The following BTN3A3 variants were observed in gnomAD, a reference collection of about 807,000 sequenced individuals.
The protein encoded by BTN3A3 is butyrophilin subfamily 3 member A3, also known as butyrophilin 3.
BTN3A3 carries 39 observed loss-of-function variants against 43.2 expected under a neutral mutation model. The observed-to-expected ratio is 0.90, with a 90% confidence interval of 0.70 to 1.18. BTN3A3 has a LOEUF of 1.18. Ranked by LOEUF, BTN3A3 falls within the 50% of genes most tolerant of loss-of-function variation. BTN3A3 has a pLI of 0.00. For missense variants in BTN3A3, 631 were observed against 722.8 expected (o/e 0.87, Z 1.46); for synonymous variants, 255 against 272.7 (o/e 0.93, Z 0.64).
intron 1 of BTN3A3, among the ~76,000 whole-genome samples, chr6:26,442,977 A>G (rs1205742867): frequency 6.6e-6 from 1 of 152,206 alleles, no homozygotes; most frequent in Non-Finnish European, 1.5e-5. Flanking sequence ...GAATGACTTT[A>G]TGAAGGGAAG....
At position 26,452,545 on chromosome 6, in the gene BTN3A3, G is replaced by A. The variant is rs1430033054; in HGVS notation, c.*134G>A. The stretch of plus-strand genomic sequence containing the variant: ...AAGTAGACATGACAAGTGAACAGCA[G>A]AGCTGGGATCTAAACAGCAATAACT... On this transcript the variant is annotated 3_prime_UTR_variant, in exon 11 of 11. Coordinates refer to ENST00000244519, the MANE Select transcript of BTN3A3 (RefSeq NM_006994.5). 1 of 752,666 alleles carries A rather than the reference G, an allele frequency of 1.3e-6. No individual in the cohort carries two copies. Among genetic ancestry groups the A allele is most frequent in the Non-Finnish European group, 2.1e-6 (1 of 477,446 alleles). The allele number at this position is 752,666 out of a possible 1,614,324, so 46.6% of individuals were successfully genotyped here.
At chr6:26,444,560 A>AAGGACCCTTCCTCT in intron 4 of BTN3A3, 1 of 621,268 alleles carries the variant, frequency 1.6e-6, no homozygotes. Flanking sequence ...ATGAAGGACG[A>AAGGACCCTTCCTCT]CGGATAGGAA....
chr6:26,445,508 A>C, intron 4 of BTN3A3, 196 bp from the exon 5 acceptor site: 1 of 648,390 alleles, frequency 1.5e-6, no homozygotes, highest in Admixed American at 3.0e-5. Flanking sequence ...GGTGGATGGG[A>C]ATAGCCCCAC....
rs753687612 is a variant in BTN3A3 at position 26,451,644 on chromosome 6, C to A, written c.1019-31C>A. 1.6e-5 allele frequency: 25 copies of A among 1,585,452 alleles called. 1 individual carries two copies. The highest frequency in any genetic ancestry group is 1.4e-4 in the South Asian group (12 of 85,540). On this transcript the variant is annotated intron_variant, in intron 10 of 10. Transcript: ENST00000244519. ...TCTGAAATCCAGGAAAAATGGCTGA[C>A]CCCATGGACACCTCCTCAAACTCTC...
rs748007508 is a variant in BTN3A3, at chr6:26,451,979, G to A, written c.1323G>A (p.Lys441=). The part of the protein sequence containing the change: ...YWTMGLTDGN[K]YRALTEPRTN... ...CTATGGGCCTGACTGATGGGAATAA[G>A]TATCGGGCTCTCACTGAGCCCAGAA... Residue 441 remains lysine, a synonymous_variant, in exon 11 of 11, where the codon AAG becomes AAA. Coordinates refer to ENST00000244519, the MANE Select transcript of BTN3A3 (RefSeq NM_006994.5). 1 of 1,614,170 alleles carries A rather than the reference G, an allele frequency of 6.2e-7. No individual in the cohort carries two copies. Among genetic ancestry groups the A allele is most frequent in the Non-Finnish European group, 8.5e-7 (1 of 1,180,014 alleles).
chr6:26,446,548 G>C (rs1334770757), intron 5 of BTN3A3, among the ~76,000 whole-genome samples: 3 of 152,210 alleles, frequency 2.0e-5, no homozygotes, highest in Non-Finnish European at 4.4e-5. Context: ...AGGAGTGTAG[G>C]AAGGCAGTGA....
chr6:26,441,054 A>C (rs1762617128), intron 1 of BTN3A3, among the ~76,000 whole-genome samples: 1 of 152,234 alleles, frequency 6.6e-6, no homozygotes, highest in African/African-American at 2.4e-5. Flanking sequence ...TTCTAGAAAG[A>C]GATGTGCCTT....
chr6:26,443,929 T>C (rs569286880), intron 3 of BTN3A3, 28 bp from the exon 4 acceptor site: 8 of 1,613,888 alleles, frequency 5.0e-6, no homozygotes, highest in Non-Finnish European at 6.8e-6. Context: ...CAAAACCCTC[T>C]GATGGAGCTT....
Position 26,449,447 on chromosome 6 carries a change from C to G in BTN3A3, c.965-215C>G, listed in dbSNP as rs182435357. ...AGCTGGACTCCACTGGGAAGGAACT[C>G]TCACAGTGACTGCCCTGCCACTAGC... On this transcript the variant is annotated intron_variant, in intron 8 of 10. Coordinates refer to ENST00000244519, the MANE Select transcript of BTN3A3 (RefSeq NM_006994.5). The G allele has an allele frequency of 6.5e-5, 39 of 601,104 alleles. No homozygotes were observed. The African/African-American group carries it at 6.7e-4, about 10-fold the overall frequency. 37.2% of individuals were successfully genotyped at this position (601,104 alleles called of 1,614,324 possible).
chr6:26,440,817 CGTGT>C (rs1477568883), intron 1 of BTN3A3, 169 bp downstream of exon 1: 6 of 132,304 alleles, frequency 4.5e-5, no homozygotes, highest in Non-Finnish European at 6.7e-5. Flanking sequence ...TGTGTGTGTG[CGTGT>C]GTGCGCATGG....
intron 6 of BTN3A3, 31 bp downstream of exon 6, chr6:26,448,479 C>T: frequency 6.2e-7 from 1 of 1,609,246 alleles, no homozygotes; most frequent in Non-Finnish European, 8.5e-7. Context: ...ATCTAAGCCC[C>T]TGGCTTGCAT....
Position 26,453,293 on chromosome 6 carries a change from T to G in BTN3A3, c.*882T>G, listed in dbSNP as rs1018892979. Reference sequence around the variant, plus strand: ...ATGTTAAACCCATATTCCTTTCAACTGCTGCCTGCTAGGGAAAACTGCTCC... The same window carrying G: ...ATGTTAAACCCATATTCCTTTCAACGGCTGCCTGCTAGGGAAAACTGCTCC... On this transcript the variant is annotated 3_prime_UTR_variant, in exon 11 of 11. Coordinates refer to ENST00000244519, the MANE Select transcript of BTN3A3 (RefSeq NM_006994.5). 6.6e-6 allele frequency: 1 copy of G among 151,462 alleles called. No individual in the cohort carries two copies. Among genetic ancestry groups the G allele is most frequent in the Non-Finnish European group, 1.5e-5 (1 of 68,032 alleles). 9.4% of individuals were successfully genotyped at this position (151,462 alleles called of 1,614,324 possible).
chr6:26,447,588 C>A (rs1300442406), intron 5 of BTN3A3, among the ~76,000 whole-genome samples: 1 of 152,184 alleles, frequency 6.6e-6, no homozygotes, highest in African/African-American at 2.4e-5. Flanking sequence ...GTCTCGACCT[C>A]CTGACCTCAA....
At chr6:26,441,151 G>A (rs1762625193) in intron 1 of BTN3A3, among the ~76,000 whole-genome samples, 2 of 152,126 alleles carry the variant, frequency 1.3e-5, no homozygotes, top group South Asian at 4.1e-4. Flanking sequence ...CAGGCAGGGG[G>A]TAGACAAACA....
In BTN3A3 at chr6:26,441,016, G is replaced by A. The variant is rs1431195940; in HGVS notation, c.-67+368G>A. On this transcript the variant is annotated intron_variant, in intron 1 of 10. Transcript: ENST00000244519. Reference sequence around the variant, plus strand: ...AAAAAAGTCGCTAAAATCTGTTTTGGCCAACACAAGCCATCTATTCTAAGA... The same window carrying A: ...AAAAAAGTCGCTAAAATCTGTTTTGACCAACACAAGCCATCTATTCTAAGA... 2.0e-5 allele frequency among the ~76,000 whole-genome samples: 3 copies of A among 152,096 alleles called. No individual in the cohort carries two copies. The East Asian group carries it at 5.8e-4, about 29-fold the overall frequency.
At chr6:26,449,813 T>C (rs1272891107) in intron 9 of BTN3A3, 125 bp downstream of exon 9, 1 of 1,274,886 alleles carries the variant, frequency 7.8e-7, no homozygotes, top group Non-Finnish European at 1.1e-6. Flanking sequence ...AGACTCAATT[T>C]TGCATGGTAG....
chr6:26,451,601 G>T (rs1484965815), intron 10 of BTN3A3, 74 bp from the exon 11 acceptor site: 2 of 1,553,722 alleles, frequency 1.3e-6, no homozygotes, highest in Non-Finnish European at 1.7e-6. Context: ...GCATGGTCCA[G>T]GCCTTGCATG....
rs201309184 is a variant in BTN3A3, at chr6:26,444,075, G to A, written c.204G>A (p.Val68=). The A allele has an allele frequency of 8.3e-4, 1,341 of 1,612,182 alleles. 4 individuals carry two copies. Among genetic ancestry groups the A allele is most frequent in the Non-Finnish European group, 1.1e-3 (1,271 of 1,178,116 alleles). The stretch of plus-strand genomic sequence containing the variant: ...CAGAGACCATGGAGCTGAGGTGGGT[G>A]AGTTCCAGCCTAAGGCAGGTGGTGA... The part of the protein sequence containing the change: ...MSAETMELRW[V]SSSLRQVVNV... The change falls in exon 4 of 11, where the codon GTG becomes GTA. Residue 68 remains valine (V), a synonymous_variant. Transcript: ENST00000244519.
At chr6:26,441,009 T>C (rs1397288161) in intron 1 of BTN3A3, among the ~76,000 whole-genome samples, 1 of 152,224 alleles carries the variant, frequency 6.6e-6, no homozygotes, top group African/African-American at 2.4e-5. Flanking sequence ...CGCTAAAATC[T>C]GTTTTGGCCA....
Sources: gnomAD v4.1 joint callset for allele counts (sites outside exome capture counted in the v4.1 genomes callset) on GRCh38, gnomAD v4.1.1 for gene constraint, MANE v1.5 for transcripts, NCBI Gene and HGNC (gene_info 2026-07-23, HGNC 2026-07-21) for gene names.